Variants in BRAF observed in about 807,000 individuals in gnomAD.
BRAF encodes the protein B-Raf proto-oncogene, serine/threonine kinase.
BRAF carries 16 observed loss-of-function variants against 104.6 expected under a neutral mutation model. The observed-to-expected ratio is 0.15, with a 90% CI of 0.10 to 0.23. The LOEUF is 0.23. Among genes scored for constraint, BRAF ranks in the 10% least tolerant of loss-of-function variants. BRAF has a pLI of 1.00. For synonymous variants in BRAF, 310 were observed against 341.6 expected (o/e 0.91, Z 1.02); for missense variants, 541 against 937.3 (o/e 0.58, Z 5.52).
chr7:140,723,036 A>C lies in BRAF; in HGVS notation c.*3458T>G. ...CATGTTCTAGAGCTCCTGACTTTTCATATTTTAAAATAAATAACTATTCAT... is the reference window on the plus strand; with the variant it reads ...CATGTTCTAGAGCTCCTGACTTTTCCTATTTTAAAATAAATAACTATTCAT... On this transcript the variant is annotated 3_prime_UTR_variant, in exon 20 of 20. Coordinates refer to ENST00000644969, the MANE Select transcript of BRAF (RefSeq NM_001374258.1). The C allele has an allele frequency of 9.5e-7, 1 of 1,051,522 alleles. No homozygotes were observed. The highest frequency in any genetic ancestry group is 4.6e-5 in the South Asian group (1 of 21,846). 65.1% of individuals were successfully genotyped at this position (1,051,522 alleles called of 1,614,324 possible).
chr7:140,804,723 T>C (rs576984431), intron 5 of BRAF, among the ~76,000 whole-genome samples: 2 of 152,310 alleles, frequency 1.3e-5, no homozygotes, highest in African/African-American at 2.4e-5. Context: ...CAACATGAAT[T>C]AGAACTTCCT....
chr7:140,744,437 C>T (rs4725829), intron 17 of BRAF, among the ~76,000 whole-genome samples: 1,535 of 152,312 alleles, frequency 0.01, 7 homozygotes, highest in Middle Eastern at 0.02. Flanking sequence ...TAATTTTGAT[C>T]TGTATTCTTT....
chr7:140,845,464 T>C (rs2129070240), intron 2 of BRAF, among the ~76,000 whole-genome samples: 1 of 152,292 alleles, frequency 6.6e-6, no homozygotes, highest in Admixed American at 6.5e-5. Context: ...ATATCTAGAC[T>C]ATATAAAGAA....
chr7:140,895,100 A>G (rs1238740519), intron 1 of BRAF, among the ~76,000 whole-genome samples: 1 of 152,178 alleles, frequency 6.6e-6, no homozygotes, highest in Non-Finnish European at 1.5e-5. Flanking sequence ...GGCAAACCTA[A>G]TTCAACAATC....
At chr7:140,907,266 C>T (rs751931756) in intron 1 of BRAF, among the ~76,000 whole-genome samples, 2 of 152,024 alleles carry the variant, frequency 1.3e-5, no homozygotes, top group Non-Finnish European at 2.9e-5. Context: ...GTTTTTCCCC[C>T]CCTTTTCTTT....
At chr7:140,825,437 C>A (rs567979643) in intron 3 of BRAF, among the ~76,000 whole-genome samples, 1 of 152,282 alleles carries the variant, frequency 6.6e-6, no homozygotes, top group African/African-American at 2.4e-5. Flanking sequence ...TAAACTAATA[C>A]GTTCATTATA....
At chr7:140,811,100 C>T (rs763524449) in intron 3 of BRAF, among the ~76,000 whole-genome samples, 6 of 152,156 alleles carry the variant, frequency 3.9e-5, no homozygotes, top group Non-Finnish European at 8.8e-5. Flanking sequence ...GCCGTGAGTT[C>T]AATGTTAATG....
intron 1 of BRAF, among the ~76,000 whole-genome samples, chr7:140,876,705 T>TTGA (rs1448186695): frequency 6.6e-6 from 1 of 152,174 alleles, no homozygotes; most frequent in Non-Finnish European, 1.5e-5. Flanking sequence ...TTAATTATAT[T>TTGA]TGATGACTTC....
At chr7:140,758,299 T>C (rs958511296) in intron 14 of BRAF, 1 of 152,200 alleles carries the variant, frequency 6.6e-6, no homozygotes, top group Non-Finnish European at 1.5e-5. Flanking sequence ...CCCTGGAAAG[T>C]AAGATTAACG....
rs1795311271 is a variant in BRAF at position 140,721,275 on chromosome 7, G to A, written c.*5219C>T. On this transcript the variant is annotated 3_prime_UTR_variant, in exon 20 of 20. Coordinates refer to ENST00000644969, the MANE Select transcript of BRAF (RefSeq NM_001374258.1). Reference sequence around the variant, plus strand: ...AAGTACTTTAGTCACTCATTGAGTTGCCGACTAATTGCCCCATGCATTTTT... The same window carrying A: ...AAGTACTTTAGTCACTCATTGAGTTACCGACTAATTGCCCCATGCATTTTT... The A allele has an allele frequency of 8.8e-7, 1 of 1,137,178 alleles. No homozygotes were observed. The allele number at this position is 1,137,178 out of a possible 1,614,324, so 70.4% of individuals were successfully genotyped here. A position where few individuals can be genotyped will look rare whatever the true frequency, so the allele number is the denominator to read the frequency against.
At chr7:140,877,246 T>C (rs1812363627) in intron 1 of BRAF, among the ~76,000 whole-genome samples, 2 of 146,608 alleles carry the variant, frequency 1.4e-5, no homozygotes, top group Non-Finnish European at 3.0e-5. Context: ...AGTGAATTAA[T>C]ATCATTAAGC....
chr7:140,723,961 A>G lies in BRAF; in HGVS notation c.*2533T>C, dbSNP rs1585892288. ...TCATGTCATTTGTAAACTAGAGAAA[A>G]AACCTATTTCATAGAAAAAGGAAGA... On this transcript the variant is annotated 3_prime_UTR_variant, in exon 20 of 20. Coordinates refer to ENST00000644969, the MANE Select transcript of BRAF (RefSeq NM_001374258.1). The G allele has an allele frequency of 9.6e-7, 1 of 1,042,030 alleles. No homozygotes were observed. Among genetic ancestry groups the G allele is most frequent in the East Asian group, 5.8e-5 (1 of 17,378 alleles). The allele number at this position is 1,042,030 out of a possible 1,614,324, so 64.5% of individuals were successfully genotyped here. A position where few individuals can be genotyped will look rare whatever the true frequency, so the allele number is the denominator to read the frequency against.
chr7:140,747,648 T>G (rs1268245593), intron 17 of BRAF, among the ~76,000 whole-genome samples: 1 of 152,152 alleles, frequency 6.6e-6, no homozygotes, highest in Non-Finnish European at 1.5e-5. Flanking sequence ...GAAACTAAAC[T>G]AAAAATCCAT....
At chr7:140,757,104 A>G (rs372207312) in intron 14 of BRAF, among the ~76,000 whole-genome samples, 5 of 152,314 alleles carry the variant, frequency 3.3e-5, no homozygotes, top group South Asian at 4.1e-4. Flanking sequence ...TACTGAGTCC[A>G]ATTAAAATTA....
At chr7:140,828,638 G>A (rs932881678) in intron 3 of BRAF, among the ~76,000 whole-genome samples, 1 of 152,074 alleles carries the variant, frequency 6.6e-6, no homozygotes, top group Non-Finnish European at 1.5e-5. Context: ...TGTACTACAT[G>A]GTGTGGCTGT....
At position 140,720,671 on chromosome 7, in the gene BRAF, C is replaced by T. The variant is rs1299692511; in HGVS notation, c.*5823G>A. On this transcript the variant is annotated 3_prime_UTR_variant, in exon 20 of 20. Transcript: ENST00000644969. Reference sequence around the variant, plus strand: ...TATCCTAGATTTACTGCCACCTCACCCCATTTTGGTCTCTGTTCTCTACAT... The same window carrying T: ...TATCCTAGATTTACTGCCACCTCACTCCATTTTGGTCTCTGTTCTCTACAT... 1 of 1,065,652 alleles carries T rather than the reference C, an allele frequency of 9.4e-7. No individual in the cohort carries two copies. The highest frequency in any genetic ancestry group is 1.1e-6 in the Non-Finnish European group (1 of 879,602). 66.0% of individuals were successfully genotyped at this position (1,065,652 alleles called of 1,614,324 possible).
rs1324827132 is a variant in BRAF at position 140,834,577 on chromosome 7, A to G, written c.504+32T>C. 3 of 1,612,868 alleles carry G rather than the reference A, an allele frequency of 1.9e-6. No homozygotes were observed. The African/African-American group carries it at 4.0e-5, about 22-fold the overall frequency. ...TGATCTGTCTGAAAAATACAAAGAA[A>G]CAGCAAAATGGTGATATTAAAACTG... On this transcript the variant is annotated intron_variant, in intron 3 of 19. Coordinates refer to ENST00000644969, the MANE Select transcript of BRAF (RefSeq NM_001374258.1).
chr7:140,764,196 C>T (rs1454788904), intron 14 of BRAF, among the ~76,000 whole-genome samples: 2 of 151,534 alleles, frequency 1.3e-5, no homozygotes, highest in Admixed American at 1.3e-4. Flanking sequence ...AAGACAAAAA[C>T]CACATGATTA....
Position 140,924,646 on chromosome 7 carries a change from T to C in BRAF, c.58A>G (p.Asn20Asp), listed in dbSNP as rs1321934224. The change falls in exon 1 of 20, where the codon AAC (asparagine) becomes GAC (aspartate). Residue 20 changes from asparagine (N) to aspartate (D), a missense_variant. Around this residue, in one of 10 missense-constraint regions of BRAF, gnomAD observed 82 missense variants for 65.9 expected, o/e 1.24. Transcript: ENST00000644969. The surrounding 1 kb of genome is among the most constrained non-coding windows in gnomAD (Gnocchi z 4.2). Reference protein sequence around the residue: ...GGAEPGQALFNGDMEPEAGAG... With the variant: ...GGAEPGQALFDGDMEPEAGAG... ...CCGGCCTCGGGCTCCATGTCCCCGT[T>C]GAACAGAGCCTGGCCCGGCTCCGCG... 6.9e-7 allele frequency: 1 copy of C among 1,453,988 alleles called. No individual in the cohort carries two copies. The highest frequency in any genetic ancestry group is 1.2e-5 in the South Asian group (1 of 82,158). The allele number at this position is 1,453,988 out of a possible 1,614,324, so 90.1% of individuals were successfully genotyped here. A position where few individuals can be genotyped will look rare whatever the true frequency, so the allele number is the denominator to read the frequency against.
Sources: gnomAD v4.1 joint callset for allele counts (sites outside exome capture counted in the v4.1 genomes callset) on GRCh38, gnomAD v4.1.1 for gene constraint, gnomAD v4.1.1 regional missense constraint, Gnocchi (gnomAD v3.1) non-coding constraint, MANE v1.5 for transcripts, NCBI Gene and HGNC (gene_info 2026-07-23, HGNC 2026-07-21) for gene names.